Variants in AKAP13 observed in about 807,000 individuals in gnomAD.
AKAP13 encodes the protein A-kinase anchor protein 13.
AKAP13 carries 80 observed loss-of-function variants against 264.5 expected under a neutral mutation model. That is an observed-to-expected ratio of 0.30 (90% CI 0.25 to 0.36). AKAP13 has a LOEUF of 0.36. Ranked by LOEUF, AKAP13 falls within the 10% of genes least tolerant of loss-of-function variation. AKAP13 has a pLI of 1.00. For synonymous variants in AKAP13, 1,380 were observed against 1,250.2 expected (o/e 1.10, Z -2.19); for missense variants, 3,712 against 3,435.2 (o/e 1.08, Z -2.01).
Position 85,580,693 on chromosome 15 carries a change from C to T in AKAP13, c.2625C>T (p.Pro875=), listed in dbSNP as rs4075255. Reference sequence around the variant, plus strand: ...GACTTGGTGGAGAGCATGAGGGTCCCGCCCCTCCAGCAATCCCAGAAGCTC... The same window carrying T: ...GACTTGGTGGAGAGCATGAGGGTCCTGCCCCTCCAGCAATCCCAGAAGCTC... The part of the protein sequence containing the change: ...LTGLGGEHEG[P]APPAIPEALN... Residue 875 remains proline, a synonymous_variant, in exon 7 of 37, where the codon CCC becomes CCT. Transcript: ENST00000394518. 1,018,008 of 1,613,776 alleles carry T rather than the reference C, an allele frequency of 0.63. 322,678 individuals are homozygous for T. The highest frequency in any genetic ancestry group is 0.69 in the Middle Eastern group (4,183 of 6,062).
rs774005577 is a variant in AKAP13 at position 85,445,011 on chromosome 15, TATA to T, written c.-11-40695_-11-40693del. ...CCATTTACTGTATTCTCTTAAAGTA[TATA>T]ATACTTTAAATGAACTGTTCCCTTC... On this transcript the variant is annotated intron_variant, in intron 1 of 36. Coordinates refer to ENST00000394518, the MANE Select transcript of AKAP13 (RefSeq NM_007200.5). 7.9e-5 allele frequency among the ~76,000 whole-genome samples: 12 copies of T among 152,180 alleles called. No individual in the cohort carries two copies. In the South Asian group the frequency reaches 2.3e-3, roughly 29 times the overall value.
intron 8 of AKAP13, chr15:85,624,360 A>G (rs2151428403): frequency 6.6e-6 from 1 of 152,304 alleles, no homozygotes; most frequent in African/African-American, 2.4e-5. Flanking sequence ...GACTCACGAC[A>G]CTTGGGCAGG....
intron 8 of AKAP13, among the ~76,000 whole-genome samples, chr15:85,635,416 G>C (rs1209423216): frequency 1.3e-5 from 2 of 151,940 alleles, no homozygotes; most frequent in African/African-American, 2.4e-5. Context: ...ATGTTGCTTT[G>C]TTACTGCATT....
chr15:85,556,839 A>G (rs907118157), intron 5 of AKAP13, among the ~76,000 whole-genome samples: 2 of 152,330 alleles, frequency 1.3e-5, no homozygotes. Context: ...AGCTCTTCAG[A>G]AGAAGCCGCC....
chr15:85,439,678 G>C (rs2073529859), intron 1 of AKAP13, among the ~76,000 whole-genome samples: 1 of 145,082 alleles, frequency 6.9e-6, no homozygotes, highest in East Asian at 2.0e-4. Flanking sequence ...TAGGGACATG[G>C]ATGAAATTGG....
chr15:85,419,182 T>C (rs2072395259), intron 1 of AKAP13, among the ~76,000 whole-genome samples: 1 of 152,224 alleles, frequency 6.6e-6, no homozygotes, highest in Admixed American at 6.5e-5. Context: ...CATCATAGGA[T>C]TTGTAAAATT....
intron 5 of AKAP13, among the ~76,000 whole-genome samples, chr15:85,571,439 T>C (rs944172885): frequency 1.3e-5 from 2 of 152,224 alleles, no homozygotes; most frequent in African/African-American, 4.8e-5. Context: ...CAGTTTTTAA[T>C]GAAGTTGTGC....
chr15:85,660,265 A>G (rs1305213647), intron 12 of AKAP13, among the ~76,000 whole-genome samples: 2 of 142,774 alleles, frequency 1.4e-5, no homozygotes, highest in Non-Finnish European at 3.0e-5. Context: ...AGGCAGGAGA[A>G]TTGCTTGAAC....
chr15:85,391,474 T>G (rs1004859401), intron 1 of AKAP13, among the ~76,000 whole-genome samples: 8 of 151,774 alleles, frequency 5.3e-5, no homozygotes, highest in African/African-American at 1.9e-4. Flanking sequence ...TTTGTCTTTA[T>G]TCTTTTCTTT....
intron 33 of AKAP13, among the ~76,000 whole-genome samples, chr15:85,738,489 G>C (rs1306235416): frequency 6.6e-6 from 1 of 152,016 alleles, no homozygotes; most frequent in Non-Finnish European, 1.5e-5. Context: ...TATTATAAAA[G>C]GAATACATGT....
At chr15:85,625,111 CT>C (rs1453960081) in intron 8 of AKAP13, among the ~76,000 whole-genome samples, 1 of 152,184 alleles carries the variant, frequency 6.6e-6, no homozygotes, top group African/African-American at 2.4e-5. Context: ...GTTTTGGTGA[CT>C]TGTCTCTCTA....
intron 7 of AKAP13, among the ~76,000 whole-genome samples, chr15:85,585,374 T>C (rs2079297536): frequency 6.6e-6 from 1 of 152,242 alleles, no homozygotes; most frequent in Non-Finnish European, 1.5e-5. Context: ...CTGAAGCTTA[T>C]GAATTTAGTT....
chr15:85,662,523 G>T, intron 12 of AKAP13: 7 of 1,579,980 alleles, frequency 4.4e-6, no homozygotes, highest in Non-Finnish European at 1.7e-6. Flanking sequence ...CTTTTGGCTT[G>T]GAGCTGGCTT....
At position 85,747,422 on chromosome 15, in the gene AKAP13, A is replaced by C. The variant is rs2089402454; in HGVS notation, c.*2745A>C. On this transcript the variant is annotated 3_prime_UTR_variant, in exon 37 of 37. Coordinates refer to ENST00000394518, the MANE Select transcript of AKAP13 (RefSeq NM_007200.5). ...TGGGGTGACTCGGACTGAATTCCCC[A>C]TACTGTTTCCACGCCGGGACACCAT... 1 of 152,418 alleles carries C rather than the reference A, an allele frequency of 6.6e-6. No homozygotes were observed. Among genetic ancestry groups the C allele is most frequent in the South Asian group, 2.1e-4 (1 of 4,816 alleles). The allele number at this position is 152,418 out of a possible 1,614,324, so 9.4% of individuals were successfully genotyped here.
At chr15:85,573,499 C>T (rs551677007) in intron 5 of AKAP13, among the ~76,000 whole-genome samples, 7 of 151,716 alleles carry the variant, frequency 4.6e-5, no homozygotes, top group African/African-American at 1.5e-4. Context: ...GAGCCAAGAT[C>T]GCACCACCGC....
chr15:85,735,208 C>A, intron 31 of AKAP13, 58 bp downstream of exon 31: 1 of 1,568,454 alleles, frequency 6.4e-7, no homozygotes, highest in South Asian at 1.2e-5. Flanking sequence ...TCACACAACT[C>A]AAAATGACTT....
At chr15:85,417,193 A>G (rs1047915968) in intron 1 of AKAP13, among the ~76,000 whole-genome samples, 2 of 152,178 alleles carry the variant, frequency 1.3e-5, no homozygotes, top group Non-Finnish European at 2.9e-5. Context: ...TATTAGAAAT[A>G]TTAATAGTTT....
chr15:85,530,850 TAATA>T (rs1422199256), intron 3 of AKAP13, among the ~76,000 whole-genome samples: 17 of 152,300 alleles, frequency 1.1e-4, no homozygotes, highest in African/African-American at 4.1e-4. Context: ...TGGGTGATAA[TAATA>T]AAGAATTTAG....
At chr15:85,548,943 G>A (rs1368010999) in intron 5 of AKAP13, among the ~76,000 whole-genome samples, 2 of 150,692 alleles carry the variant, frequency 1.3e-5, no homozygotes, top group African/African-American at 2.4e-5. Context: ...AGAAGAAGAG[G>A]ACTGTCTTCA....
Sources: gnomAD v4.1 joint callset for allele counts (sites outside exome capture counted in the v4.1 genomes callset) on GRCh38, gnomAD v4.1.1 for gene constraint, MANE v1.5 for transcripts, NCBI Gene and HGNC (gene_info 2026-07-23, HGNC 2026-07-21) for gene names.